Variants in SEC24D observed in about 807,000 individuals in gnomAD.
SEC24D encodes SEC24 homolog D, COPII component.
A neutral mutation model predicts 116.9 loss-of-function variants in SEC24D; 69 were observed. That is an observed-to-expected ratio of 0.59 (90% CI 0.49 to 0.72). SEC24D has a LOEUF of 0.72. SEC24D is among the 30% of genes least tolerant of loss of function. The pLI is 0.00. For missense variants in SEC24D, 1,131 were observed against 1,264.1 expected, an observed-to-expected ratio of 0.89 and a Z score of 1.60; for synonymous variants, 405 against 442.8, an observed-to-expected ratio of 0.91 and a Z score of 1.07.
intron 1 of SEC24D, 75 bp downstream of exon 1, chr4:118,835,866 G>GGGCGCCGCAACC (rs1357435080): frequency 6.5e-6 from 1 of 153,138 alleles, no homozygotes; most frequent in Non-Finnish European, 1.5e-5. Flanking sequence ...TCCCCGGGCC[G>GGGCGCCGCAACC]GGCGCCGCAA....
At position 118,723,608 on chromosome 4, in the gene SEC24D, C is replaced by T. The variant is rs1487129420; in HGVS notation, c.3006G>A (p.Gln1002=). Residue 1002 remains glutamine (Q), a synonymous_variant, in exon 23 of 23, where the codon CAG becomes CAA. Transcript: ENST00000280551. ...QREQPEMVFR[Q]FLVEDKGLYG... ...AAAGTCCTTTGTCTTCTACCAGGAA[C>T]TGTCGGAAAACCATTTCTGGTTGTT... is the stretch of plus-strand genomic sequence containing the variant. The T allele has an allele frequency of 2.5e-6, 4 of 1,613,730 alleles. No homozygotes were observed. Among genetic ancestry groups the T allele is most frequent in the Admixed American group, 1.7e-5 (1 of 60,006 alleles).
intron 6 of SEC24D, among the ~76,000 whole-genome samples, chr4:118,807,774 TC>T (rs1471446377): frequency 6.6e-6 from 1 of 152,194 alleles, no homozygotes; most frequent in Non-Finnish European, 1.5e-5. Flanking sequence ...CTACAGGTCT[TC>T]CCTCCTAATT....
At chr4:118,788,722 T>G (rs1003805518) in intron 8 of SEC24D, among the ~76,000 whole-genome samples, 2 of 152,202 alleles carry the variant, frequency 1.3e-5, no homozygotes, top group African/African-American at 4.8e-5. Context: ...ATATCCAAAG[T>G]AGGATTTTAA....
intron 11 of SEC24D, chr4:118,754,268 A>G (rs923334927): frequency 2.6e-5 from 4 of 152,148 alleles, no homozygotes; most frequent in African/African-American, 9.7e-5. Context: ...AGACACTCAC[A>G]CACACCTCAA....
chr4:118,739,333 C>T (rs1726121268), intron 17 of SEC24D, 46 bp from the exon 18 acceptor site: 1 of 1,581,266 alleles, frequency 6.3e-7, no homozygotes, highest in Non-Finnish European at 8.6e-7. Context: ...ATTAACATAT[C>T]CACCCAAGCT....
At chr4:118,728,382 T>C (rs1267308307) in intron 22 of SEC24D, among the ~76,000 whole-genome samples, 179 bp downstream of exon 22, 1 of 152,206 alleles carries the variant, frequency 6.6e-6, no homozygotes, top group Non-Finnish European at 1.5e-5. Flanking sequence ...TTGTGACTGG[T>C]AAGTAGGTAG....
intron 6 of SEC24D, among the ~76,000 whole-genome samples, chr4:118,811,030 G>C (rs1729900401): frequency 6.6e-6 from 1 of 152,206 alleles, no homozygotes; most frequent in African/African-American, 2.4e-5. Context: ...TGAAAGCTGA[G>C]AATTGACCAT....
chr4:118,811,248 A>G (rs1729910390), intron 6 of SEC24D, among the ~76,000 whole-genome samples: 2 of 152,238 alleles, frequency 1.3e-5, no homozygotes. Context: ...GGGAGAGGCC[A>G]AGGAAAGCTT....
At chr4:118,800,573 T>G (rs1281680266) in intron 7 of SEC24D, among the ~76,000 whole-genome samples, 1 of 152,206 alleles carries the variant, frequency 6.6e-6, no homozygotes, top group Non-Finnish European at 1.5e-5. Context: ...TTAACATGAC[T>G]GCAGGCTGAA....
intron 15 of SEC24D, 28 bp from the exon 16 acceptor site, chr4:118,741,065 C>T (rs1726203457): frequency 1.7e-6 from 2 of 1,157,310 alleles, no homozygotes; most frequent in African/African-American, 3.1e-5. Context: ...AATCAATGTC[C>T]ACCAGATGGC....
At chr4:118,771,608 G>T (rs1377123281) in intron 8 of SEC24D, among the ~76,000 whole-genome samples, 1 of 151,590 alleles carries the variant, frequency 6.6e-6, no homozygotes, top group Non-Finnish European at 1.5e-5. Flanking sequence ...GACCACAAGT[G>T]AGAATATCAT....
intron 15 of SEC24D, among the ~76,000 whole-genome samples, chr4:118,742,716 ATT>A (rs1436079575): frequency 1.3e-5 from 2 of 152,178 alleles, no homozygotes; most frequent in African/African-American, 4.8e-5. Context: ...AACATTTGTC[ATT>A]TATGTTGGAG....
At position 118,737,989 on chromosome 4, in the gene SEC24D, A is replaced by G. The variant is rs13146440; in HGVS notation, c.2496+272T>C. 0.3 allele frequency: 78,769 copies of G among 265,150 alleles called. 13,246 individuals are homozygous for G. Among genetic ancestry groups the G allele is most frequent in the Non-Finnish European group, 0.36 (50,435 of 140,156 alleles). 16.4% of individuals were successfully genotyped at this position (265,150 alleles called of 1,614,324 possible). On this transcript the variant is annotated intron_variant, in intron 19 of 22. Coordinates refer to ENST00000280551, the MANE Select transcript of SEC24D (RefSeq NM_014822.4). ...AACAGAATCCTGTTTATATTAGGAC[A>G]CTTCTTACATATAACATTCTTTTGT...
intron 7 of SEC24D, among the ~76,000 whole-genome samples, chr4:118,799,230 TGA>T (rs1729317038): frequency 6.6e-6 from 1 of 152,164 alleles, no homozygotes; most frequent in African/African-American, 2.4e-5. Context: ...GATGTGAGTG[TGA>T]GAGAGCGTGA....
rs59912399 is a variant in SEC24D at position 118,832,746 on chromosome 4, G to A, written c.118+833C>T. On this transcript the variant is annotated intron_variant, in intron 2 of 22. Coordinates refer to ENST00000280551, the MANE Select transcript of SEC24D (RefSeq NM_014822.4). ...GGAAAAGCTTTTAGGGCCAGATTTCGACACATCATAAAAAGGAATAATTTA... is the reference window on the plus strand; with the variant it reads ...GGAAAAGCTTTTAGGGCCAGATTTCAACACATCATAAAAAGGAATAATTTA... 3.1e-3 allele frequency among the ~76,000 whole-genome samples: 468 copies of A among 152,022 alleles called. 3 individuals are homozygous for A. The highest frequency in any genetic ancestry group is 8.1e-3 in the African/African-American group (336 of 41,398).
In SEC24D at chr4:118,824,624, G is replaced by C; in HGVS notation, c.244C>G (p.Gln82Glu). 1 of 1,600,144 alleles carries C rather than the reference G, an allele frequency of 6.2e-7. No individual in the cohort carries two copies. The highest frequency in any genetic ancestry group is 1.1e-5 in the South Asian group (1 of 88,522). ...GTTGGAATCTACCTAGCTCACCTTT[G>C]GGGAGGGTGACCAGTGGCATGAGCT... ...NGAHATGHPP[Q>E]RFPGPPPVNN... is the part of the protein sequence containing the mutation. Residue 82 changes from glutamine to glutamate, a missense_variant, in exon 3 of 23, where the codon CAA becomes GAA. Physicochemically the swap from Gln to Glu is conservative, Grantham distance 29. Coordinates refer to ENST00000280551, the MANE Select transcript of SEC24D (RefSeq NM_014822.4).
At chr4:118,789,531 A>C (rs555029686) in intron 8 of SEC24D, among the ~76,000 whole-genome samples, 1 of 152,326 alleles carries the variant, frequency 6.6e-6, no homozygotes, top group Admixed American at 6.5e-5. Flanking sequence ...TGAATCTATC[A>C]AAATATAAAC....
In SEC24D at chr4:118,797,825, A is replaced by T. The variant is rs755158547; in HGVS notation, c.914-15T>A. On this transcript the variant is annotated splice_polypyrimidine_tract_variant and intron_variant, in intron 7 of 22. Coordinates refer to ENST00000280551, the MANE Select transcript of SEC24D (RefSeq NM_014822.4). ...ACTGGCATTTCCTGAAACATTCAAA[A>T]GGATACACTTAAAACTTGTTTAGAA... 1 of 1,576,204 alleles carries T rather than the reference A, an allele frequency of 6.3e-7. No individual in the cohort carries two copies. Among genetic ancestry groups the T allele is most frequent in the Non-Finnish European group, 8.7e-7 (1 of 1,155,752 alleles).
chr4:118,801,754 A>C (rs948056719), intron 7 of SEC24D, among the ~76,000 whole-genome samples: 4 of 152,238 alleles, frequency 2.6e-5, no homozygotes, highest in Non-Finnish European at 4.4e-5. Context: ...GTGACTAAAC[A>C]AATGCTTCGT....
Sources: allele counts gnomAD v4.1 joint callset (sites outside exome capture counted in the v4.1 genomes callset), GRCh38; gene constraint gnomAD v4.1.1; transcripts MANE v1.5; gene names NCBI Gene and HGNC (gene_info 2026-07-23, HGNC 2026-07-21).